GRID2: variants seen among roughly 807,000 people sequenced by gnomAD.
GRID2 encodes glutamate ionotropic receptor delta type subunit 2.
In GRID2, 33 loss-of-function variants were observed where a neutral mutation model predicts 114.8. The observed-to-expected ratio is 0.29, with a 90% confidence interval of 0.22 to 0.38. The LOEUF is 0.38. Ranked by LOEUF, GRID2 falls within the 10% of genes least tolerant of loss-of-function variation. The pLI, the probability that GRID2 is intolerant of heterozygous loss-of-function variation, is 1.00. For synonymous variants in GRID2, 505 were observed against 449.9 expected (o/e 1.12, Z -1.55); for missense variants, 1,184 against 1,257.7 (o/e 0.94, Z 0.89).
At chr4:93,122,890 GTTTTTT>G (rs886185779) in intron 4 of GRID2, among the ~76,000 whole-genome samples, 7 of 69,800 alleles carry the variant, frequency 1.0e-4, no homozygotes, top group African/African-American at 4.3e-4. Context: ...ACAGATGTGG[GTTTTTT>G]TTTTTTTTTT....
In GRID2 at chr4:93,667,641, T is replaced by C. The variant is rs548514077; in HGVS notation, c.2360+41206T>C. On this transcript the variant is annotated intron_variant, in intron 14 of 15. Coordinates refer to ENST00000282020, the MANE Select transcript of GRID2 (RefSeq NM_001510.4). ...GATGCTGAAAATATATCACTGTTAC[T>C]TCCATTTGCTGAAAATGAAAGTAGC... is the stretch of plus-strand genomic sequence containing the variant. Among the ~76,000 whole-genome samples the C allele has an allele frequency of 7.2e-5, 11 of 152,134 alleles. 1 individual carries two copies. In the South Asian group the frequency reaches 1.2e-3, roughly 17 times the overall value.
At chr4:93,407,778 A>ATCCTCCTCGTCC (rs1162760873) in intron 9 of GRID2, among the ~76,000 whole-genome samples, 8 of 58,684 alleles carry the variant, frequency 1.4e-4, no homozygotes, top group Admixed American at 4.6e-4. Flanking sequence ...CCTCCTCCTC[A>ATCCTCCTCGTCC]TCCTCCTCGT....
rs1553936065 is a variant in GRID2, at chr4:92,449,710, T to TAA, written c.89-140420_89-140419dup. Among the ~76,000 whole-genome samples the TAA allele has an allele frequency of 2.3e-3, 306 of 131,638 alleles. 6 individuals are homozygous for TAA. The highest frequency in any genetic ancestry group is 8.3e-3 in the African/African-American group (286 of 34,322). The allele number at this position is 131,638 out of a possible 152,430, so 86.4% of individuals were successfully genotyped here. A position where few individuals can be genotyped will look rare whatever the true frequency, so the allele number is the denominator to read the frequency against. On this transcript the variant is annotated intron_variant, in intron 1 of 15. Coordinates refer to ENST00000282020, the MANE Select transcript of GRID2 (RefSeq NM_001510.4). ...ATATATATATATATATATATATATA[T>TAA]AACACTTAAGCCAAATTCATTTATA...
intron 2 of GRID2, among the ~76,000 whole-genome samples, chr4:92,821,460 TG>T (rs1257653290): frequency 2.0e-5 from 3 of 149,492 alleles, no homozygotes; most frequent in Non-Finnish European, 4.4e-5. Context: ...TGTAGCTGTT[TG>T]TTTTTTTTAA....
chr4:93,717,460 G>A (rs2110184724), intron 14 of GRID2, among the ~76,000 whole-genome samples: 1 of 151,760 alleles, frequency 6.6e-6, no homozygotes, highest in South Asian at 2.1e-4. Context: ...AAACACTTCA[G>A]AGCCCTTATA....
At chr4:92,742,454 G>A in intron 2 of GRID2, among the ~76,000 whole-genome samples, 1 of 151,814 alleles carries the variant, frequency 6.6e-6, no homozygotes, top group South Asian at 2.1e-4. Context: ...TATATTTTTG[G>A]AAATTTCCCT....
At chr4:93,119,519 T>C (rs1353130429) in intron 4 of GRID2, among the ~76,000 whole-genome samples, 2 of 152,132 alleles carry the variant, frequency 1.3e-5, no homozygotes, top group Non-Finnish European at 2.9e-5. Context: ...TATACAGCAA[T>C]AGATATTGTC....
chr4:93,011,768 A>T (rs376779685), intron 2 of GRID2, among the ~76,000 whole-genome samples: 26 of 152,198 alleles, frequency 1.7e-4, no homozygotes, highest in African/African-American at 6.3e-4. Context: ...GTTTTTATCC[A>T]CCTAAAGTTA....
At chr4:93,200,175 T>C (rs1320401391) in intron 4 of GRID2, among the ~76,000 whole-genome samples, 6 of 152,324 alleles carry the variant, frequency 3.9e-5, no homozygotes, top group African/African-American at 1.4e-4. Context: ...CTCCCTTTTG[T>C]TGGAGAGAAC....
chr4:92,878,764 G>T (rs1268267786), intron 2 of GRID2, among the ~76,000 whole-genome samples: 2 of 152,028 alleles, frequency 1.3e-5, no homozygotes, highest in Non-Finnish European at 2.9e-5. Context: ...TGAGCTCAAA[G>T]TTTATCATTT....
In GRID2 at chr4:93,546,506, T is replaced by C. The variant is rs181102041; in HGVS notation, c.2193+31095T>C. On this transcript the variant is annotated intron_variant, in intron 13 of 15. Transcript: ENST00000282020. ...GAGGGCCTGTATGTTGCATATTTCA[T>C]TTCTCAGTGATGCTGTTAGTATGGT... Among the ~76,000 whole-genome samples the C allele has an allele frequency of 3.2e-3, 493 of 152,270 alleles. 4 individuals carry two copies. Among genetic ancestry groups the C allele is most frequent in the Middle Eastern group, 0.01 (3 of 294 alleles).
intron 8 of GRID2, among the ~76,000 whole-genome samples, chr4:93,376,262 CA>C (rs1031088968): frequency 1.3e-5 from 2 of 151,510 alleles, no homozygotes; most frequent in African/African-American, 2.4e-5. Context: ...CGTATGACTA[CA>C]AAAAAAGGAG....
intron 1 of GRID2, among the ~76,000 whole-genome samples, chr4:92,460,298 G>A (rs1012785530): frequency 2.0e-5 from 3 of 151,746 alleles, no homozygotes; most frequent in African/African-American, 7.3e-5. Flanking sequence ...AAGCACTGGT[G>A]TAAACAAGTA....
At position 92,413,921 on chromosome 4, in the gene GRID2, G is replaced by A. The variant is rs183631565; in HGVS notation, c.88+109177G>A. 3.2e-3 allele frequency among the ~76,000 whole-genome samples: 483 copies of A among 152,078 alleles called. 3 individuals carry two copies. Among genetic ancestry groups the A allele is most frequent in the African/African-American group, 0.011 (446 of 41,516 alleles). On this transcript the variant is annotated intron_variant, in intron 1 of 15. Coordinates refer to ENST00000282020, the MANE Select transcript of GRID2 (RefSeq NM_001510.4). ...AGAGAAGGATATGGGGTTGACAGAG[G>A]ATTTTTTTAAATGTAGGAACAACTT... is the stretch of plus-strand genomic sequence containing the variant.
chr4:92,607,929 C>G (rs946128154), intron 2 of GRID2, among the ~76,000 whole-genome samples: 1 of 151,502 alleles, frequency 6.6e-6, no homozygotes, highest in Admixed American at 6.6e-5. Flanking sequence ...GAAGGAGAAA[C>G]AAAATACAAA....
At chr4:93,433,366 G>C (rs1219155579) in intron 10 of GRID2, among the ~76,000 whole-genome samples, 2 of 152,126 alleles carry the variant, frequency 1.3e-5, no homozygotes, top group African/African-American at 4.8e-5. Flanking sequence ...TCTGGTGGAG[G>C]TGATGAGACC....
At chr4:93,647,617 T>C (rs1419557598) in intron 14 of GRID2, among the ~76,000 whole-genome samples, 1 of 152,186 alleles carries the variant, frequency 6.6e-6, no homozygotes, top group African/African-American at 2.4e-5. Context: ...TTAGGTCATA[T>C]GTTTACCCAA....
chr4:93,278,275 A>T (rs1351860316), intron 8 of GRID2, among the ~76,000 whole-genome samples: 4 of 151,772 alleles, frequency 2.6e-5, no homozygotes, highest in Non-Finnish European at 5.9e-5. Flanking sequence ...TTTAAAAAAA[A>T]AAAACATGTT....
intron 2 of GRID2, among the ~76,000 whole-genome samples, chr4:92,636,486 C>T (rs1035885656): frequency 1.3e-5 from 2 of 152,022 alleles, no homozygotes; most frequent in African/African-American, 4.8e-5. Context: ...TTTTTGCTCA[C>T]AATCCTTTGT....
Sources: allele counts gnomAD v4.1 joint callset (sites outside exome capture counted in the v4.1 genomes callset), GRCh38; gene constraint gnomAD v4.1.1; transcripts MANE v1.5; gene names NCBI Gene and HGNC (gene_info 2026-07-23, HGNC 2026-07-21).